DNAH17: variants seen among roughly 807,000 people sequenced by gnomAD.
The protein encoded by DNAH17 is dynein axonemal heavy chain 17, also known as axonemal beta dynein heavy chain 17.
A neutral mutation model predicts 485.6 loss-of-function variants in DNAH17; 376 were observed. The ratio of observed to expected loss-of-function variants is 0.77; its 90% CI spans 0.71 to 0.84. The LOEUF (loss-of-function observed/expected upper bound fraction) is 0.84. Among genes scored for constraint, DNAH17 ranks in the 40% least tolerant of loss-of-function variants. The pLI is 0.00. For missense variants in DNAH17, 6,370 were observed against 5,839.3 expected, an observed-to-expected ratio of 1.09 and a Z score of -2.96; for synonymous variants, 3,031 against 2,405.9, an observed-to-expected ratio of 1.26 and a Z score of -7.60.
intron 19 of DNAH17, among the ~76,000 whole-genome samples, chr17:78,535,364 T>C (rs1312506781): frequency 1.3e-5 from 2 of 152,138 alleles, no homozygotes; most frequent in Non-Finnish European, 2.9e-5. Context: ...GGAAACCTCC[T>C]CCCACCCTTC....
Position 78,428,713 on chromosome 17 carries a change from A to G in DNAH17, c.12406-6T>C. 1.2e-6 allele frequency: 2 copies of G among 1,612,940 alleles called. No individual in the cohort carries two copies. The highest frequency in any genetic ancestry group is 1.7e-6 in the Non-Finnish European group (2 of 1,179,094). On this transcript the variant is annotated splice_polypyrimidine_tract_variant and splice_region_variant and intron_variant, in intron 76 of 80. Coordinates refer to ENST00000389840, the MANE Select transcript of DNAH17 (RefSeq NM_173628.4). ...TCGATGTATTCGTGGTAACCCTGAA[A>G]AAGAGGGCAGTTTGTAAGCAGAGGC...
At chr17:78,534,951 G>T (rs1302146604) in intron 19 of DNAH17, among the ~76,000 whole-genome samples, 1 of 152,144 alleles carries the variant, frequency 6.6e-6, no homozygotes, top group Non-Finnish European at 1.5e-5. Flanking sequence ...CTGGGAAGTG[G>T]CCCTGGGACC....
intron 35 of DNAH17, 143 bp from the exon 36 acceptor site, chr17:78,500,604 G>A (rs1055686498): frequency 3.1e-5 from 23 of 753,396 alleles, no homozygotes; most frequent in Non-Finnish European, 4.3e-5. Flanking sequence ...TGCCTCCTGG[G>A]TTCAAATGAT....
intron 74 of DNAH17, among the ~76,000 whole-genome samples, chr17:78,437,312 C>G (rs1029223766): frequency 1.3e-5 from 2 of 152,208 alleles, no homozygotes; most frequent in African/African-American, 4.8e-5. Context: ...TTCCAAGGAC[C>G]AGTCATGACG....
In DNAH17 at chr17:78,484,713, C is replaced by A; in HGVS notation, c.7649+155G>T. ...ACAAACTTGGGGGCCCAGCTACGAC[C>A]CGTGTCTCCCTACCCACGTTGCAGC... On this transcript the variant is annotated intron_variant, in intron 48 of 80. Coordinates refer to ENST00000389840, the MANE Select transcript of DNAH17 (RefSeq NM_173628.4). 2 of 447,544 alleles carry A rather than the reference C, an allele frequency of 4.5e-6. 1 individual carries two copies. The highest frequency in any genetic ancestry group is 7.0e-5 in the South Asian group (2 of 28,664). 27.7% of individuals were successfully genotyped at this position (447,544 alleles called of 1,614,324 possible). A position where few individuals can be genotyped will look rare whatever the true frequency, so the allele number is the denominator to read the frequency against.
At chr17:78,457,552 A>T (rs897406384) in intron 62 of DNAH17, among the ~76,000 whole-genome samples, 37 of 151,792 alleles carry the variant, frequency 2.4e-4, no homozygotes, top group Non-Finnish European at 4.6e-4. Context: ...TACTTAAAAA[A>T]TTTTTTTGTA....
At chr17:78,575,279 A>G (rs1035367626) in intron 1 of DNAH17, among the ~76,000 whole-genome samples, 197 bp from the exon 2 acceptor site, 1 of 152,216 alleles carries the variant, frequency 6.6e-6, no homozygotes, top group Non-Finnish European at 1.5e-5. Context: ...CGGCCCCGCC[A>G]TGGGGGGTGC....
chr17:78,478,079 T>TCAC lies in DNAH17; in HGVS notation c.7992+945_7992+946insGTG, dbSNP rs1349780027. On this transcript the variant is annotated intron_variant, in intron 51 of 80. Coordinates refer to ENST00000389840, the MANE Select transcript of DNAH17 (RefSeq NM_173628.4). ...ATCATCTCCACCATCACCACCACCATCATCACCATCACCACCACCATCATC... is the reference window on the plus strand; with the variant it reads ...ATCATCTCCACCATCACCACCACCATCACCATCACCATCACCACCACCATCATC... Among the ~76,000 whole-genome samples, 121 of 57,006 alleles carry TCAC rather than the reference T, an allele frequency of 2.1e-3. 1 individual carries two copies. Among genetic ancestry groups the TCAC allele is most frequent in the African/African-American group, 0.01 (94 of 9,356 alleles). The allele number at this position is 57,006 out of a possible 152,430, so 37.4% of individuals were successfully genotyped here. A position where few individuals can be genotyped will look rare whatever the true frequency, so the allele number is the denominator to read the frequency against.
In DNAH17 at chr17:78,530,611, G is replaced by A. The variant is rs117868024; in HGVS notation, c.3115-99C>T. On this transcript the variant is annotated intron_variant, in intron 20 of 80. Transcript: ENST00000389840. ...CAGGGCCTTCCTGCACTGCACCTGC[G>A]CTGCTCACCTGCCGGCCACTCTGGG... The A allele has an allele frequency of 6.8e-3, 9,474 of 1,392,052 alleles. 61 individuals are homozygous for A. Among genetic ancestry groups the A allele is most frequent in the Non-Finnish European group, 8.2e-3 (8,494 of 1,029,886 alleles). The allele number at this position is 1,392,052 out of a possible 1,614,324, so 86.2% of individuals were successfully genotyped here. A position where few individuals can be genotyped will look rare whatever the true frequency, so the allele number is the denominator to read the frequency against.
At chr17:78,497,645 T>C (rs570519446) in intron 37 of DNAH17, among the ~76,000 whole-genome samples, 24 of 152,346 alleles carry the variant, frequency 1.6e-4, no homozygotes, top group African/African-American at 5.5e-4. Flanking sequence ...GTCCCCATTC[T>C]CTTGGTCATG....
chr17:78,560,316 C>G (rs972794854), intron 13 of DNAH17, among the ~76,000 whole-genome samples: 8 of 152,218 alleles, frequency 5.3e-5, no homozygotes, highest in Non-Finnish European at 8.8e-5. Flanking sequence ...GATTGGGCAG[C>G]TCTGGGGCTG....
chr17:78,449,558 G>A lies in DNAH17; in HGVS notation c.11067C>T (p.Ala3689=), dbSNP rs1598466989. 1 of 1,606,660 alleles carries A rather than the reference G, an allele frequency of 6.2e-7. No individual in the cohort carries two copies. The highest frequency in any genetic ancestry group is 8.5e-7 in the Non-Finnish European group (1 of 1,176,614). Reference sequence around the variant, plus strand: ...CGTTGGCAGGGGTGGTCCTCTGGATGGCTTTCTCAAACACCACGTTGAAGG... The same window carrying A: ...CGTTGGCAGGGGTGGTCCTCTGGATAGCTTTCTCAAACACCACGTTGAAGG... ...LKAFNVVFEK[A]IQRTTPANEV... is the part of the protein sequence containing the mutation. The change falls in exon 69 of 81, where the codon GCC becomes GCT. Residue 3689 remains alanine, a synonymous_variant. Transcript: ENST00000389840.
intron 21 of DNAH17, 29 bp downstream of exon 21, chr17:78,530,314 G>C (rs2091196631): frequency 6.3e-7 from 1 of 1,580,052 alleles, no homozygotes; most frequent in Non-Finnish European, 8.6e-7. Flanking sequence ...CATTCCTTGG[G>C]CTCCCCGAGT....
chr17:78,432,284 C>T (rs1318242995), intron 75 of DNAH17, among the ~76,000 whole-genome samples: 3 of 152,182 alleles, frequency 2.0e-5, no homozygotes, highest in East Asian at 1.9e-4. Flanking sequence ...GCCGTCTCTC[C>T]GTGCTGAAAG....
chr17:78,536,928 C>T (rs2091389917), intron 19 of DNAH17, among the ~76,000 whole-genome samples: 1 of 152,028 alleles, frequency 6.6e-6, no homozygotes, highest in Admixed American at 6.5e-5. Context: ...ATAATCCCAG[C>T]ACTTTGGGAG....
chr17:78,437,821 C>T lies in DNAH17; in HGVS notation c.11853G>A (p.Leu3951=). 6.2e-7 allele frequency: 1 copy of T among 1,612,116 alleles called. No individual in the cohort carries two copies. The highest frequency in any genetic ancestry group is 8.5e-7 in the Non-Finnish European group (1 of 1,179,524). The part of the protein sequence containing the change: ...ARWLGTLDKK[L]EHYSTGSHED... ...CATGGCTGCCCGTGCTGTAGTGCTC[C>T]AGCTTCTTGTCCAGTGTTCCCAGCC... The change falls in exon 74 of 81, where the codon CTG becomes CTA. Residue 3951 remains leucine (L), a synonymous_variant. Transcript: ENST00000389840.
intron 51 of DNAH17, among the ~76,000 whole-genome samples, chr17:78,478,676 A>G (rs541162599): frequency 3.1e-4 from 47 of 149,502 alleles, no homozygotes; most frequent in African/African-American, 1.2e-3. Flanking sequence ...CATCACTACC[A>G]CCATCATCAC....
chr17:78,555,690 G>A (rs948527291), intron 14 of DNAH17, among the ~76,000 whole-genome samples: 1 of 152,146 alleles, frequency 6.6e-6, no homozygotes, highest in Admixed American at 6.6e-5. Context: ...TGTGCCACAG[G>A]GTGCCCAGAT....
intron 13 of DNAH17, 145 bp from the exon 14 acceptor site, chr17:78,558,399 AGGACCAGGACGTTTTCACCCTGTTGGCT>A: frequency 9.8e-7 from 1 of 1,016,480 alleles, no homozygotes; most frequent in Non-Finnish European, 1.4e-6. Flanking sequence ...ATTTGTTGGC[AGGACCAGGACGTTTTCACCCTGTTGGCT>A]GATCCTGAGC....
Sources: allele counts gnomAD v4.1 joint callset (sites outside exome capture counted in the v4.1 genomes callset), GRCh38; gene constraint gnomAD v4.1.1; transcripts MANE v1.5; gene names NCBI Gene and HGNC (gene_info 2026-07-23, HGNC 2026-07-21).